RBPJ: variants seen among roughly 807,000 people sequenced by gnomAD.
The protein encoded by RBPJ is recombining binding protein suppressor of hairless.
Under a neutral mutation model 67.8 loss-of-function variants are expected in RBPJ, and 9 were observed. The ratio of observed to expected loss-of-function variants is 0.13; its 90% confidence interval spans 0.08 to 0.23. The LOEUF (loss-of-function observed/expected upper bound fraction) is 0.23, where lower values mean the gene tolerates loss of function less well. Ranked by LOEUF, RBPJ falls within the 10% of genes least tolerant of loss-of-function variation. The pLI is 1.00. For synonymous variants in RBPJ, 198 were observed against 203.3 expected, an observed-to-expected ratio of 0.97 and a Z score of 0.22; for missense variants, 305 against 595.6, an observed-to-expected ratio of 0.51 and a Z score of 5.08.
chr4:26,214,923 AGGAAGGAAGGAGGGAGGGAGGAAGGAC>A (rs1323025873), intron 1 of RBPJ, among the ~76,000 whole-genome samples: 19 of 56,452 alleles, frequency 3.4e-4, no homozygotes, highest in Non-Finnish European at 1.1e-4. Flanking sequence ...AAGAGAAAAA[AGGAAGGAAGGAGGGAGGGAGGAAGGAC>A]GGAAGGAAGG....
chr4:26,370,943 G>A (rs1184297726), intron 1 of RBPJ, among the ~76,000 whole-genome samples: 4 of 152,112 alleles, frequency 2.6e-5, no homozygotes, highest in Non-Finnish European at 5.9e-5. Context: ...AGCCGGGCGT[G>A]GTGGCGGACG....
chr4:26,186,729 TA>T (rs551661337), intron 1 of RBPJ, among the ~76,000 whole-genome samples: 24 of 152,358 alleles, frequency 1.6e-4, no homozygotes, highest in Non-Finnish European at 2.1e-4. Flanking sequence ...GTCTGAAAAC[TA>T]TACTTCTTTA....
chr4:26,205,248 G>A (rs577969981), intron 1 of RBPJ, among the ~76,000 whole-genome samples: 2 of 152,242 alleles, frequency 1.3e-5, no homozygotes, highest in Admixed American at 6.5e-5. Context: ...GAGCAGCTCC[G>A]GCCCTGTGCC....
At chr4:26,373,495 C>CT (rs965917536) in intron 1 of RBPJ, among the ~76,000 whole-genome samples, 7 of 152,278 alleles carry the variant, frequency 4.6e-5, no homozygotes, top group Non-Finnish European at 8.8e-5. Flanking sequence ...AAATACCAAA[C>CT]TGTGTGTCAA....
At chr4:26,167,749 C>G (rs1272737288) in intron 1 of RBPJ, among the ~76,000 whole-genome samples, 1 of 144,706 alleles carries the variant, frequency 6.9e-6, no homozygotes, top group Non-Finnish European at 1.5e-5. Flanking sequence ...ACTTCCAACA[C>G]TATGTTGAAT....
the RBPJ span, among the ~76,000 whole-genome samples, chr4:26,140,437 C>T: frequency 2.0e-5 from 3 of 152,192 alleles, no homozygotes; most frequent in Non-Finnish European, 4.4e-5. Flanking sequence ...AGGATGAGGT[C>T]AGGATCTGGT....
chr4:26,413,713 G>A (rs1481218346), intron 3 of RBPJ, among the ~76,000 whole-genome samples: 2 of 152,166 alleles, frequency 1.3e-5, no homozygotes, highest in African/African-American at 4.8e-5. Context: ...TGAGGGGGAA[G>A]CAAACAAGAA....
At chr4:26,163,074 C>T (rs1415549508), upstream of RBPJ, among the ~76,000 whole-genome samples, 2 of 152,070 alleles carry the variant, frequency 1.3e-5, no homozygotes, top group Admixed American at 1.3e-4. Context: ...GAATCTGGAC[C>T]AAATGATGGT....
At chr4:26,140,649 T>G in the RBPJ span, among the ~76,000 whole-genome samples, 1 of 67,268 alleles carries the variant, frequency 1.5e-5, no homozygotes, top group Non-Finnish European at 2.7e-5. Flanking sequence ...CAAATCACAT[T>G]GCCTCTGATT....
At chr4:26,354,844 C>T (rs1389335442) in intron 1 of RBPJ, among the ~76,000 whole-genome samples, 1 of 152,110 alleles carries the variant, frequency 6.6e-6, no homozygotes, top group African/African-American at 2.4e-5. Flanking sequence ...GGGATACAGG[C>T]TTTTTTCCTT....
chr4:26,307,973 T>C (rs1722290918), intron 1 of RBPJ, among the ~76,000 whole-genome samples: 2 of 152,162 alleles, frequency 1.3e-5, no homozygotes, highest in African/African-American at 4.8e-5. Context: ...TCTTGAAGAT[T>C]CCTTTAAATA....
At position 26,224,578 on chromosome 4, in the gene RBPJ, G is replaced by A. The variant is rs373499317; in HGVS notation, c.-167+60964G>A. Among the ~76,000 whole-genome samples, 10 of 152,118 alleles carry A rather than the reference G, an allele frequency of 6.6e-5. No homozygotes were observed. The East Asian group carries it at 9.7e-4, about 15-fold the overall frequency. ...TCACCATGTTGGCCAGGCTGGTCTC[G>A]AACTCCTGACCTCAAGAGATCCACC... On this transcript the variant is annotated intron_variant, in intron 1 of 4. Coordinates refer to the RBPJ transcript ENST00000512351.
chr4:26,109,735 A>C, the RBPJ span, among the ~76,000 whole-genome samples: 3 of 145,574 alleles, frequency 2.1e-5, no homozygotes, highest in African/African-American at 5.1e-5. Context: ...CTCTCTATAT[A>C]TATATATATA....
intron 1 of RBPJ, among the ~76,000 whole-genome samples, chr4:26,344,743 C>G (rs934105690): frequency 6.6e-5 from 10 of 152,084 alleles, no homozygotes; most frequent in African/African-American, 2.2e-4. Flanking sequence ...AATCCTGCTC[C>G]CCACCCCACC....
chr4:26,109,454 CTCTCTCTATATA>C, the RBPJ span, among the ~76,000 whole-genome samples: 22 of 21,062 alleles, frequency 1.0e-3, 1 homozygote, highest in Admixed American at 2.4e-3. Flanking sequence ...CTCTCTCTCT[CTCTCTCTATATA>C]TATATATATA....
At chr4:26,208,212 G>A (rs939053879) in intron 1 of RBPJ, among the ~76,000 whole-genome samples, 53 of 152,202 alleles carry the variant, frequency 3.5e-4, no homozygotes, top group African/African-American at 1.2e-3. Flanking sequence ...ACATCCCAAT[G>A]AGATAGATAC....
At chr4:26,246,254 GT>G (rs2109229500) in intron 1 of RBPJ, among the ~76,000 whole-genome samples, 1 of 152,272 alleles carries the variant, frequency 6.6e-6, no homozygotes, top group East Asian at 1.9e-4. Context: ...ATGTTTCATA[GT>G]TTCTGGTGTT....
At chr4:26,150,623 A>C in the RBPJ span, among the ~76,000 whole-genome samples, 1 of 152,226 alleles carries the variant, frequency 6.6e-6, no homozygotes, top group Admixed American at 6.5e-5. Flanking sequence ...GATTGTTGTA[A>C]CAGTCTCATG....
intron 1 of RBPJ, among the ~76,000 whole-genome samples, chr4:26,335,617 C>CTTT (rs34386877): frequency 2.1e-4 from 23 of 107,830 alleles, no homozygotes; most frequent in Non-Finnish European, 3.2e-4. Flanking sequence ...ATGCTTACTT[C>CTTT]TTTTTTTTTT....
Sources: allele counts gnomAD v4.1 joint callset (sites outside exome capture counted in the v4.1 genomes callset), GRCh38; gene constraint gnomAD v4.1.1; transcripts MANE v1.5; gene names NCBI Gene and HGNC (gene_info 2026-07-23, HGNC 2026-07-21).